Variants in CNIH3 observed in about 807,000 individuals in gnomAD.
The protein encoded by CNIH3 is protein cornichon homolog 3.
A neutral mutation model predicts 24.1 loss-of-function variants in CNIH3; 14 were observed. The observed-to-expected ratio is 0.58, with a 90% CI of 0.38 to 0.91. The LOEUF is 0.91. Ranked by LOEUF, CNIH3 falls within the 40% of genes least tolerant of loss-of-function variation. The probability of loss-of-function intolerance (pLI) is 0.00; values close to 1 mark genes in which losing one functional copy is unlikely to be tolerated. For synonymous variants in CNIH3, 68 were observed against 73.8 expected (o/e 0.92, Z 0.40); for missense variants, 178 against 196.8 (o/e 0.90, Z 0.57).
chr1:224,597,084 G>A (rs980936133), intron 3 of CNIH3, among the ~76,000 whole-genome samples: 2 of 152,006 alleles, frequency 1.3e-5, no homozygotes, highest in Non-Finnish European at 2.9e-5. Flanking sequence ...CCCGAGAGGT[G>A]CAGGTTGCAG....
intron 1 of CNIH3, among the ~76,000 whole-genome samples, chr1:224,444,723 C>A (rs568315372): frequency 6.6e-6 from 1 of 152,096 alleles, no homozygotes; most frequent in African/African-American, 2.4e-5. Flanking sequence ...CGGCTCACTG[C>A]AACCTTCGAC....
intron 1 of CNIH3, among the ~76,000 whole-genome samples, chr1:224,677,934 A>G (rs1448769995): frequency 6.6e-6 from 1 of 152,220 alleles, no homozygotes; most frequent in Non-Finnish European, 1.5e-5. Flanking sequence ...ATCAAAATAT[A>G]GTAAACCGTC....
At chr1:224,593,793 G>C (rs1681863298) in intron 3 of CNIH3, among the ~76,000 whole-genome samples, 1 of 152,134 alleles carries the variant, frequency 6.6e-6, no homozygotes, top group Middle Eastern at 3.2e-3. Context: ...CCTTGTGCTG[G>C]GTGCATCCAT....
intron 2 of CNIH3, among the ~76,000 whole-genome samples, chr1:224,533,093 G>A (rs914572911): frequency 6.6e-6 from 1 of 152,156 alleles, no homozygotes; most frequent in Non-Finnish European, 1.5e-5. Flanking sequence ...ACCTGAGTCA[G>A]GCTGTGAGAA....
intron 1 of CNIH3, among the ~76,000 whole-genome samples, chr1:224,438,699 G>A (rs1400516523): frequency 6.6e-6 from 1 of 152,102 alleles, no homozygotes; most frequent in African/African-American, 2.4e-5. Flanking sequence ...GGTGGGATTG[G>A]GAGAATTCAG....
intron 2 of CNIH3, among the ~76,000 whole-genome samples, chr1:224,532,986 C>CTAAATAGTATCATTTATGTAA (rs1679132955): frequency 1.3e-5 from 2 of 152,006 alleles, no homozygotes; most frequent in African/African-American, 4.8e-5. Flanking sequence ...TAATGAAGGA[C>CTAAATAGTATCATTTATGTAA]TAAATAGTAT....
chr1:224,540,136 G>T (rs1038341120), downstream of CNIH3, among the ~76,000 whole-genome samples: 6 of 152,182 alleles, frequency 3.9e-5, no homozygotes, highest in African/African-American at 1.4e-4. Flanking sequence ...AAGTTCAAAA[G>T]AAAATCATCT....
intron 1 of CNIH3, among the ~76,000 whole-genome samples, chr1:224,473,087 C>G (rs1676431310): frequency 1.3e-5 from 2 of 151,912 alleles, no homozygotes; most frequent in South Asian, 4.1e-4. Context: ...AAGAAAAAGC[C>G]TTAGTTTGTA....
At chr1:224,564,314 G>T (rs1489425335) in intron 3 of CNIH3, among the ~76,000 whole-genome samples, 1 of 152,176 alleles carries the variant, frequency 6.6e-6, no homozygotes, top group South Asian at 2.1e-4. Context: ...TATATCTCTG[G>T]TTTTCTAAAA....
At position 224,616,876 on chromosome 1, in the gene CNIH3, G is replaced by A. The variant is rs1032236523; in HGVS notation, c.-299G>A. ...GGGGCTCACAGCTTGGCACTAATTTGCAGGTGTTCGCTGCTGATTTGGTTT... is the reference window on the plus strand; with the variant it reads ...GGGGCTCACAGCTTGGCACTAATTTACAGGTGTTCGCTGCTGATTTGGTTT... On this transcript the variant is annotated 5_prime_UTR_variant, in exon 1 of 6. Transcript: ENST00000272133. 1.6e-6 allele frequency: 2 copies of A among 1,247,408 alleles called. No homozygotes were observed. The highest frequency in any genetic ancestry group is 1.5e-5 in the African/African-American group (1 of 65,224). 77.3% of individuals were successfully genotyped at this position (1,247,408 alleles called of 1,614,324 possible).
chr1:224,620,591 C>G (rs1316896953), intron 1 of CNIH3, among the ~76,000 whole-genome samples: 1 of 152,100 alleles, frequency 6.6e-6, no homozygotes, highest in Non-Finnish European at 1.5e-5. Flanking sequence ...AATTAGACTT[C>G]TGCTTATAAA....
intron 3 of CNIH3, among the ~76,000 whole-genome samples, chr1:224,547,960 C>T (rs962905255): frequency 1.3e-5 from 2 of 151,816 alleles, no homozygotes; most frequent in Non-Finnish European, 2.9e-5. Context: ...CCTTTATGTA[C>T]ACCTGGTGAT....
chr1:224,484,030 G>A (rs903400936), intron 1 of CNIH3, among the ~76,000 whole-genome samples: 9 of 152,160 alleles, frequency 5.9e-5, no homozygotes, highest in African/African-American at 2.2e-4. Context: ...AATTAGCCGG[G>A]TGTGGTGGCG....
intron 1 of CNIH3, among the ~76,000 whole-genome samples, chr1:224,617,958 T>A (rs1683100909): frequency 6.6e-6 from 1 of 152,178 alleles, no homozygotes; most frequent in African/African-American, 2.4e-5. Flanking sequence ...GAAGACCCCC[T>A]GCAGGTGGCG....
At chr1:224,611,164 T>C (rs1226216578) in intron 3 of CNIH3, among the ~76,000 whole-genome samples, 2 of 152,286 alleles carry the variant, frequency 1.3e-5, no homozygotes, top group African/African-American at 4.8e-5. Flanking sequence ...AGGGCTTCTT[T>C]TACTCTTCCC....
upstream of CNIH3, among the ~76,000 whole-genome samples, chr1:224,614,938 A>G (rs1266187789): frequency 8.7e-5 from 2 of 22,898 alleles, no homozygotes; most frequent in Non-Finnish European, 1.4e-4. Flanking sequence ...GACTCCGTCA[A>G]ATAAATAAAT....
At chr1:224,464,540 T>C (rs1186511874) in intron 1 of CNIH3, among the ~76,000 whole-genome samples, 1 of 152,246 alleles carries the variant, frequency 6.6e-6, no homozygotes, top group Admixed American at 6.5e-5. Flanking sequence ...TTTTTGCATG[T>C]GGATATCCAA....
At chr1:224,595,750 C>T (rs1681950736) in intron 3 of CNIH3, among the ~76,000 whole-genome samples, 3 of 152,164 alleles carry the variant, frequency 2.0e-5, no homozygotes, top group Admixed American at 2.0e-4. Context: ...CCAGTGAACA[C>T]ACAAATGATA....
intron 1 of CNIH3, among the ~76,000 whole-genome samples, chr1:224,491,929 T>C (rs944643762): frequency 1.3e-5 from 2 of 152,164 alleles, no homozygotes; most frequent in African/African-American, 4.8e-5. Context: ...TTTATTTTTA[T>C]TTTTGTAGAG....
Sources: gnomAD v4.1 joint callset for allele counts (sites outside exome capture counted in the v4.1 genomes callset) on GRCh38, gnomAD v4.1.1 for gene constraint, MANE v1.5 for transcripts, NCBI Gene and HGNC (gene_info 2026-07-23, HGNC 2026-07-21) for gene names.